N4BP2L2: variants seen among roughly 807,000 people sequenced by gnomAD.
N4BP2L2 encodes NEDD4-binding protein 2-like 2.
In N4BP2L2, 50 loss-of-function variants were observed where a neutral mutation model predicts 56.2. That is an observed-to-expected ratio of 0.89 (90% CI 0.71 to 1.13). The LOEUF is 1.13. Among genes scored for constraint, N4BP2L2 ranks in the 50% most tolerant of loss-of-function variants. N4BP2L2 has a pLI of 0.00. For synonymous variants in N4BP2L2, 203 were observed against 223.6 expected (o/e 0.91, Z 0.82); for missense variants, 689 against 693.8 (o/e 0.99, Z 0.08).
At chr13:32,517,253 T>C in exon 6 of N4BP2L2, 1 of 986,306 alleles carries the variant, frequency 1.0e-6, no homozygotes, top group South Asian at 4.7e-5. Context: ...CTATCTAACA[T>C]TTGCTGGGGA....
chr13:32,535,700 G>A (rs1335529984), intron 2 of N4BP2L2, 69 bp downstream of exon 2: 50 of 1,499,552 alleles, frequency 3.3e-5, no homozygotes, highest in South Asian at 1.7e-4. Flanking sequence ...CACTGCAGCC[G>A]GCGACAAATA....
At chr13:32,436,399 G>C in exon 9 of N4BP2L2, 1 of 1,228,510 alleles carries the variant, frequency 8.1e-7, no homozygotes, top group Non-Finnish European at 1.1e-6. Context: ...ATCTTCTTCT[G>C]TCTTTTCTAG....
At chr13:32,433,945 A>G (rs1397444478) in intron 9 of N4BP2L2, among the ~76,000 whole-genome samples, 1 of 150,638 alleles carries the variant, frequency 6.6e-6, no homozygotes, top group Non-Finnish European at 1.5e-5. Context: ...AAAAAAAAAA[A>G]AAAAAGAAAA....
chr13:32,532,583 CTTTTTTCT>C (rs1361418060), intron 2 of N4BP2L2, among the ~76,000 whole-genome samples: 1 of 140,532 alleles, frequency 7.1e-6, no homozygotes, highest in African/African-American at 2.8e-5. Context: ...ATTCTCTTTT[CTTTTTTCT>C]TTTTTTTTTT....
chr13:32,496,450 G>A (rs2088666120), intron 6 of N4BP2L2, among the ~76,000 whole-genome samples: 1 of 152,182 alleles, frequency 6.6e-6, no homozygotes, highest in Non-Finnish European at 1.5e-5. Flanking sequence ...GGAGTTTAAA[G>A]CATTACTAAT....
chr13:32,517,773 A>G (rs1386881348), exon 6 of N4BP2L2: 3 of 1,609,598 alleles, frequency 1.9e-6, no homozygotes, highest in Non-Finnish European at 2.5e-6. Flanking sequence ...CAAGTGCAAC[A>G]ACAAATGTGT....
At chr13:32,489,765 GAA>G (rs34893590) in intron 6 of N4BP2L2, among the ~76,000 whole-genome samples, 8,492 of 137,830 alleles carry the variant, frequency 0.062, 795 homozygotes, top group African/African-American at 0.21. Flanking sequence ...TTCCCCTCCT[GAA>G]AAAAAAAAAA....
chr13:32,528,478 TG>T (rs2053722666), intron 2 of N4BP2L2, among the ~76,000 whole-genome samples: 1 of 152,230 alleles, frequency 6.6e-6, no homozygotes, highest in Non-Finnish European at 1.5e-5. Context: ...AGCTTTGTTT[TG>T]AAAACGATAC....
intron 7 of N4BP2L2, among the ~76,000 whole-genome samples, chr13:32,441,366 TCAAA>T (rs2076300352): frequency 6.6e-6 from 1 of 152,182 alleles, no homozygotes; most frequent in Non-Finnish European, 1.5e-5. Context: ...GAGCCACGTG[TCAAA>T]CAAAATAAAG....
chr13:32,451,471 C>T (rs991961514), intron 6 of N4BP2L2, among the ~76,000 whole-genome samples: 2 of 151,896 alleles, frequency 1.3e-5, no homozygotes, highest in African/African-American at 4.8e-5. Context: ...TTTATAACAA[C>T]AAATTTGAAA....
chr13:32,505,502 T>C (rs1474993209), downstream of N4BP2L2: 2 of 152,238 alleles, frequency 1.3e-5, no homozygotes, highest in Non-Finnish European at 2.9e-5. Context: ...TTTGGCTTAA[T>C]AATTCCTTCT....
chr13:32,467,703 C>T (rs903087416), intron 6 of N4BP2L2, among the ~76,000 whole-genome samples: 4 of 151,118 alleles, frequency 2.6e-5, no homozygotes, highest in Non-Finnish European at 5.9e-5. Context: ...TGAAAAATAA[C>T]GTAGGCCAGG....
chr13:32,479,788 A>C (rs559567924), intron 6 of N4BP2L2, among the ~76,000 whole-genome samples: 98 of 152,194 alleles, frequency 6.4e-4, no homozygotes, highest in Non-Finnish European at 6.8e-4. Context: ...ATAAGAAATA[A>C]AATGATAAAA....
intron 6 of N4BP2L2, among the ~76,000 whole-genome samples, chr13:32,475,860 TAAG>T (rs2083227864): frequency 6.6e-6 from 1 of 151,964 alleles, no homozygotes; most frequent in Non-Finnish European, 1.5e-5. Flanking sequence ...TGAAGACAGA[TAAG>T]AAAAATACGG....
chr13:32,487,318 G>A (rs370204708), intron 6 of N4BP2L2, among the ~76,000 whole-genome samples: 154 of 151,420 alleles, frequency 1.0e-3, no homozygotes, highest in Middle Eastern at 6.9e-3. Flanking sequence ...TACCAAAAAA[G>A]TACAAAAATT....
chr13:32,517,925 A>T, exon 6 of N4BP2L2: 1 of 1,614,144 alleles, frequency 6.2e-7, no homozygotes, highest in Non-Finnish European at 8.5e-7. Context: ...AATTCATTAC[A>T]ATAGAAATGG....
chr13:32,443,991 TG>T lies in N4BP2L2; in HGVS notation c.500del (p.Thr167AsnfsTer38). Reference sequence around the variant, plus strand: ...TCTGAGATGGGTCCTGATCTCCCGGTGTAAGATCACTTAAGAATTCTAATGA... The same window carrying T: ...TCTGAGATGGGTCCTGATCTCCCGGTTAAGATCACTTAAGAATTCTAATGA... On this transcript the variant is annotated frameshift_variant, in exon 7 of 10. Transcript: ENST00000357505. LOFTEE classifies it high-confidence loss of function. The T allele has an allele frequency of 2.5e-6, 4 of 1,608,666 alleles. No homozygotes were observed. Among genetic ancestry groups the T allele is most frequent in the Non-Finnish European group, 3.4e-6 (4 of 1,177,140 alleles).
chr13:32,474,273 A>G (rs2082841742), intron 6 of N4BP2L2, among the ~76,000 whole-genome samples: 1 of 151,880 alleles, frequency 6.6e-6, no homozygotes, highest in Admixed American at 6.6e-5. Flanking sequence ...ACAGTTTATT[A>G]TTACCATTAT....
chr13:32,470,515 A>G (rs2082101292), intron 6 of N4BP2L2, among the ~76,000 whole-genome samples: 1 of 152,212 alleles, frequency 6.6e-6, no homozygotes, highest in African/African-American at 2.4e-5. Flanking sequence ...GCTAGGGCCT[A>G]TATCAATGCA....
Sources: gnomAD v4.1 joint callset for allele counts (sites outside exome capture counted in the v4.1 genomes callset) on GRCh38, gnomAD v4.1.1 for gene constraint, MANE v1.5 for transcripts, NCBI Gene and HGNC (gene_info 2026-07-23, HGNC 2026-07-21) for gene names.